Variants in SYT13 observed in about 807,000 individuals in gnomAD.
SYT13 encodes the protein synaptotagmin 13, also known as synaptotagmin-13.
SYT13 carries 21 observed loss-of-function variants against 38.6 expected under a neutral mutation model. That is an observed-to-expected ratio of 0.54 (90% confidence interval 0.39 to 0.78). The LOEUF is 0.78. Among genes scored for constraint, SYT13 ranks in the 30% least tolerant of loss-of-function variants. The pLI is 0.00. For synonymous variants in SYT13, 241 were observed against 237.6 expected (o/e 1.01, Z -0.13); for missense variants, 495 against 548.7 (o/e 0.90, Z 0.98).
At position 45,281,679 on chromosome 11, in the gene SYT13, A is replaced by AAAAG. The variant is rs1554982099; in HGVS notation, c.183+4345_183+4346insCTTT. On this transcript the variant is annotated intron_variant, in intron 1 of 5. Coordinates refer to ENST00000020926, the MANE Select transcript of SYT13 (RefSeq NM_020826.3). Reference sequence around the variant, plus strand: ...GAGACTCTGCCTCAAAAAAAAAAAAAAAAAATTGGTGTGGGAACTCCTGCT... The same window carrying AAAAG: ...GAGACTCTGCCTCAAAAAAAAAAAAAAAAGAAAAATTGGTGTGGGAACTCCTGCT... Among the ~76,000 whole-genome samples the AAAAG allele has an allele frequency of 2.7e-3, 400 of 149,538 alleles. 5 individuals carry two copies. Among genetic ancestry groups the AAAAG allele is most frequent in the African/African-American group, 8.2e-3 (332 of 40,626 alleles).
chr11:45,249,874 G>A (rs1309074152), intron 4 of SYT13, among the ~76,000 whole-genome samples: 1 of 152,184 alleles, frequency 6.6e-6, no homozygotes, highest in African/African-American at 2.4e-5. Context: ...TTCTGCACAT[G>A]TATCCTAGAA....
chr11:45,254,840 A>G (rs146976722), intron 2 of SYT13, among the ~76,000 whole-genome samples: 232 of 152,304 alleles, frequency 1.5e-3, no homozygotes, highest in African/African-American at 5.2e-3. Flanking sequence ...TCGACGGGGC[A>G]TGGTGGCTCA....
Position 45,252,415 on chromosome 11 carries a change from C to T in SYT13, c.846+6G>A, listed in dbSNP as rs760563086. ...TTTTACCTTTCTAACCCAGGGGTTA[C>T]CCTACCTTCGCTGAAGTCTTCAGCT... On this transcript the variant is annotated splice_donor_region_variant and intron_variant, in intron 4 of 5. Transcript: ENST00000020926. This position sits in a 1 kb window ranked among gnomAD's most constrained non-coding sequence, Gnocchi z 4.3. 1.9e-6 allele frequency: 3 copies of T among 1,567,004 alleles called. No individual in the cohort carries two copies. The highest frequency in any genetic ancestry group is 1.7e-6 in the Non-Finnish European group (2 of 1,154,488).
At chr11:45,267,590 G>A (rs1260015002) in intron 1 of SYT13, among the ~76,000 whole-genome samples, 1 of 152,138 alleles carries the variant, frequency 6.6e-6, no homozygotes, top group Non-Finnish European at 1.5e-5. Context: ...CCTCTCTCAT[G>A]TTAAGCTGCT....
chr11:45,266,503 T>TACACACACACACAC lies in SYT13; in HGVS notation c.184-10626_184-10613dup, dbSNP rs68112111. 4.9e-3 allele frequency among the ~76,000 whole-genome samples: 717 copies of TACACACACACACAC among 147,374 alleles called. 5 individuals are homozygous for TACACACACACACAC. Among genetic ancestry groups the TACACACACACACAC allele is most frequent in the African/African-American group, 0.017 (665 of 40,056 alleles). ...CATAATCCTTCCACTCCCTCTCAAATACACACACACACACACACACACACA... is the reference window on the plus strand; with the variant it reads ...CATAATCCTTCCACTCCCTCTCAAATACACACACACACACACACACACACACACACACACACACA... On this transcript the variant is annotated intron_variant, in intron 1 of 5. Transcript: ENST00000020926.
intron 1 of SYT13, chr11:45,269,652 G>A (rs756119277): frequency 2.9e-6 from 1 of 350,590 alleles, no homozygotes; most frequent in Middle Eastern, 1.0e-3. Flanking sequence ...GGAAACTGAG[G>A]CTCAGAGAGA....
At position 45,246,558 on chromosome 11, in the gene SYT13, G is replaced by T. The variant is rs372357229; in HGVS notation, c.847-46C>A. 5 of 1,598,890 alleles carry T rather than the reference G, an allele frequency of 3.1e-6. No individual in the cohort carries two copies. In the Admixed American group the frequency reaches 8.6e-5, roughly 27 times the overall value. The stretch of plus-strand genomic sequence containing the variant: ...CAGGAGGGGAGTCTCACCTGGGGAC[G>T]CCTTCCAACCCATCAACAAATGCTG... On this transcript the variant is annotated intron_variant, in intron 4 of 5. Transcript: ENST00000020926.
intron 2 of SYT13, 25 bp from the exon 3 acceptor site, chr11:45,254,429 C>A: frequency 6.2e-7 from 1 of 1,606,094 alleles, no homozygotes; most frequent in Non-Finnish European, 8.5e-7. Context: ...GAAATCGTCA[C>A]TGCCACCCAC....
intron 4 of SYT13, among the ~76,000 whole-genome samples, chr11:45,249,922 GA>G (rs1160462176): frequency 6.6e-6 from 1 of 152,154 alleles, no homozygotes; most frequent in Non-Finnish European, 1.5e-5. Context: ...ACTGCTCTTG[GA>G]GTGGATTGCC....
chr11:45,246,495 A>G lies in SYT13; in HGVS notation c.864T>C (p.Ala288=). Reference sequence around the variant, plus strand: ...AGCTGATGGATAGTAGGACCTCTCCAGCTCCTGCAGATGGCTCCTGAAACA... The same window carrying G: ...AGCTGATGGATAGTAGGACCTCTCCGGCTCCTGCAGATGGCTCCTGAAACA... ...KTSAKEPSAG[A]GEVLLSISYL... is the part of the protein sequence containing the mutation. Residue 288 remains alanine (A), a synonymous_variant, in exon 5 of 6, where the codon GCT becomes GCC. Transcript: ENST00000020926. The G allele has an allele frequency of 6.2e-7, 1 of 1,614,130 alleles. No homozygotes were observed. Among genetic ancestry groups the G allele is most frequent in the East Asian group, 2.2e-5 (1 of 44,866 alleles).
intron 1 of SYT13, among the ~76,000 whole-genome samples, chr11:45,278,228 CT>C (rs1289274428): frequency 1.3e-5 from 2 of 152,130 alleles, no homozygotes; most frequent in Admixed American, 1.3e-4. Flanking sequence ...CAGATTTTCC[CT>C]TTGTTTCTTA....
chr11:45,284,979 T>C (rs1436205414), intron 1 of SYT13, among the ~76,000 whole-genome samples: 2 of 152,212 alleles, frequency 1.3e-5, no homozygotes, highest in East Asian at 3.9e-4. Context: ...TCTGAGCTTT[T>C]GAATTATTGA....
chr11:45,285,917 G>A, intron 1 of SYT13, 108 bp downstream of exon 1: 2 of 1,238,190 alleles, frequency 1.6e-6, no homozygotes, highest in Non-Finnish European at 2.1e-6. Flanking sequence ...TCCCCGCCAA[G>A]CTTTGTCGCG....
At chr11:45,277,547 T>A (rs954514811) in intron 1 of SYT13, among the ~76,000 whole-genome samples, 14 of 152,268 alleles carry the variant, frequency 9.2e-5, no homozygotes, top group Admixed American at 8.5e-4. Flanking sequence ...CCTTCCTATT[T>A]CCCCAGCCTC....
intron 5 of SYT13, among the ~76,000 whole-genome samples, chr11:45,245,488 G>A (rs1310725250): frequency 6.6e-6 from 1 of 152,210 alleles, no homozygotes; most frequent in Non-Finnish European, 1.5e-5. Context: ...TCAGGAACCT[G>A]CCAGCAAGAC....
At chr11:45,265,184 A>G (rs1332076683) in intron 1 of SYT13, among the ~76,000 whole-genome samples, 1 of 152,238 alleles carries the variant, frequency 6.6e-6, no homozygotes, top group East Asian at 1.9e-4. Context: ...TTTCAGGTAC[A>G]CTCAACAATA....
chr11:45,261,363 G>A lies in SYT13; in HGVS notation c.184-5472C>T, dbSNP rs534371349. Among the ~76,000 whole-genome samples the A allele has an allele frequency of 1.0e-4, 15 of 150,306 alleles. No individual in the cohort carries two copies. In the East Asian group the frequency reaches 1.4e-3, roughly 14 times the overall value. On this transcript the variant is annotated intron_variant, in intron 1 of 5. Transcript: ENST00000020926. ...TCCCAGCACTTTGGGAAGCTGAGGC[G>A]GGTAGATCACTAGGTCAGGAGATCG...
intron 1 of SYT13, among the ~76,000 whole-genome samples, chr11:45,260,967 T>A (rs1034755847): frequency 4.6e-5 from 7 of 152,126 alleles, no homozygotes; most frequent in African/African-American, 1.7e-4. Flanking sequence ...CTCTGTCCAC[T>A]CAGAAGCAAC....
At chr11:45,275,860 G>A (rs949824210) in intron 1 of SYT13, among the ~76,000 whole-genome samples, 1 of 152,134 alleles carries the variant, frequency 6.6e-6, no homozygotes, top group Non-Finnish European at 1.5e-5. Context: ...GGAACAGAAT[G>A]GGAAAGATGA....
Sources: allele counts gnomAD v4.1 joint callset (sites outside exome capture counted in the v4.1 genomes callset), GRCh38; gene constraint gnomAD v4.1.1; non-coding constraint Gnocchi (gnomAD v3.1); transcripts MANE v1.5; gene names NCBI Gene and HGNC (gene_info 2026-07-23, HGNC 2026-07-21).